UCHL3: variants seen among roughly 807,000 people sequenced by gnomAD.
UCHL3 encodes the protein ubiquitin carboxyl-terminal hydrolase isozyme L3.
In UCHL3, 22 loss-of-function variants were observed where a neutral mutation model predicts 35.8. The observed-to-expected ratio is 0.61, with a 90% CI of 0.44 to 0.88. The LOEUF (loss-of-function observed/expected upper bound fraction) is 0.88. Among genes scored for constraint, UCHL3 ranks in the 40% least tolerant of loss-of-function variants. UCHL3 has a pLI of 0.00. For synonymous variants in UCHL3, 90 were observed against 92.8 expected, an observed-to-expected ratio of 0.97 and a Z score of 0.17; for missense variants, 229 against 276.9, an observed-to-expected ratio of 0.83 and a Z score of 1.23.
intron 3 of UCHL3, among the ~76,000 whole-genome samples, chr13:75,561,851 A>G (rs1345375360): frequency 1.3e-5 from 2 of 149,610 alleles, no homozygotes; most frequent in Non-Finnish European, 3.0e-5. Flanking sequence ...ATACGTATAC[A>G]TACGTATACA....
intron 6 of UCHL3, among the ~76,000 whole-genome samples, chr13:75,576,601 G>A (rs539046856): frequency 4.7e-4 from 72 of 152,088 alleles, no homozygotes; most frequent in African/African-American, 1.6e-3. Flanking sequence ...TGATCCACCC[G>A]CCTCAGCCTC....
chr13:75,549,872 CT>C lies in UCHL3; in HGVS notation c.42+12del. On this transcript the variant is annotated intron_variant, in intron 1 of 8. Coordinates refer to ENST00000377595, the MANE Select transcript of UCHL3 (RefSeq NM_006002.5). ...GGAGGCCAATCCCGAGGTGGGCGCG[CT>C]TCGGGGCAGCCCTGGGCCGTGGGCA... is the stretch of plus-strand genomic sequence containing the variant. 1 of 1,611,052 alleles carries C rather than the reference CT, an allele frequency of 6.2e-7. No individual in the cohort carries two copies. Among genetic ancestry groups the C allele is most frequent in the Non-Finnish European group, 8.5e-7 (1 of 1,178,448 alleles).
chr13:75,563,125 CTTTATGTATGTATGTATGTA>C (rs772092825), intron 3 of UCHL3, among the ~76,000 whole-genome samples: 7 of 146,162 alleles, frequency 4.8e-5, no homozygotes, highest in Non-Finnish European at 1.0e-4. Context: ...CCTCATTATC[CTTTATGTATGTATGTATGTA>C]TGTATGTATG....
chr13:75,581,635 G>A (rs1240765604), intron 6 of UCHL3, among the ~76,000 whole-genome samples: 15 of 151,040 alleles, frequency 9.9e-5, no homozygotes, highest in Admixed American at 9.9e-4. Flanking sequence ...TGGGATTACA[G>A]GTGTGAGCCA....
At chr13:75,602,501 G>C (rs2032804310) in intron 7 of UCHL3, among the ~76,000 whole-genome samples, 1 of 152,206 alleles carries the variant, frequency 6.6e-6, no homozygotes, top group South Asian at 2.1e-4. Flanking sequence ...GCCTCTTTTA[G>C]AAGGGGCCTG....
chr13:75,593,611 C>T lies in UCHL3; in HGVS notation c.475-1304C>T, dbSNP rs185049438. Among the ~76,000 whole-genome samples the T allele has an allele frequency of 3.4e-3, 513 of 152,266 alleles. 2 individuals are homozygous for T. Among genetic ancestry groups the T allele is most frequent in the Non-Finnish European group, 6.1e-3 (416 of 68,010 alleles). ...GTGCAGTACTGGAGCAACAATAAAA[C>T]TAGATAACTCTGATTGCTAACACCT... is the stretch of plus-strand genomic sequence containing the variant. On this transcript the variant is annotated intron_variant, in intron 6 of 8. Coordinates refer to ENST00000377595, the MANE Select transcript of UCHL3 (RefSeq NM_006002.5).
intron 7 of UCHL3, among the ~76,000 whole-genome samples, chr13:75,596,254 A>ATAAAAATTTATAAAAAT (rs2032643183): frequency 6.6e-6 from 1 of 152,234 alleles, no homozygotes; most frequent in Non-Finnish European, 1.5e-5. Context: ...AAAAATGTGC[A>ATAAAAATTTATAAAAAT]ACCCTGAGCG....
intron 2 of UCHL3, among the ~76,000 whole-genome samples, chr13:75,556,217 G>T (rs2031288959): frequency 6.6e-6 from 1 of 152,202 alleles, no homozygotes; most frequent in African/African-American, 2.4e-5. Flanking sequence ...CTGCAGTGAA[G>T]TAAACTTCAT....
chr13:75,556,939 G>A (rs1460689776), intron 2 of UCHL3, among the ~76,000 whole-genome samples: 1 of 152,208 alleles, frequency 6.6e-6, no homozygotes, highest in Non-Finnish European at 1.5e-5. Context: ...GGATACACTG[G>A]GTTGAGTGCA....
intron 6 of UCHL3, among the ~76,000 whole-genome samples, chr13:75,577,271 GAA>G (rs1040954593): frequency 2.0e-4 from 30 of 151,744 alleles, no homozygotes; most frequent in African/African-American, 5.6e-4. Flanking sequence ...AAAATATTTG[GAA>G]AAAAAAGATG....
At chr13:75,592,468 G>GTATATATGTATATATATATATAT (rs1201744829) in intron 6 of UCHL3, among the ~76,000 whole-genome samples, 6 of 23,316 alleles carry the variant, frequency 2.6e-4, no homozygotes, top group Non-Finnish European at 2.4e-4. Context: ...ATATATATAT[G>GTATATATGTATATATATATATAT]AAGGAAAAAA....
chr13:75,565,960 C>T (rs753699858), intron 3 of UCHL3, among the ~76,000 whole-genome samples: 11 of 152,186 alleles, frequency 7.2e-5, no homozygotes, highest in Non-Finnish European at 1.3e-4. Flanking sequence ...TTATTATACC[C>T]TATTGCTTTT....
upstream of UCHL3, chr13:75,549,719 G>A: frequency 7.4e-7 from 1 of 1,349,282 alleles, no homozygotes; most frequent in Non-Finnish European, 9.7e-7. Flanking sequence ...TCCTCCTCCG[G>A]GCGGTGTGTT....
intron 6 of UCHL3, among the ~76,000 whole-genome samples, chr13:75,579,919 G>C (rs966058): frequency 0.58 from 87,497 of 151,980 alleles, 27,019 homozygotes; most frequent in Non-Finnish European, 0.69. Flanking sequence ...GAATTAGTTT[G>C]AGAAGTTTAA....
chr13:75,560,247 T>G (rs2031447823), intron 2 of UCHL3, among the ~76,000 whole-genome samples: 1 of 152,228 alleles, frequency 6.6e-6, no homozygotes, highest in Non-Finnish European at 1.5e-5. Context: ...TCTGATAAAA[T>G]ATTTATTTAC....
In UCHL3 at chr13:75,567,091, AAC is replaced by A. The variant is rs1372641162; in HGVS notation, c.341-134_341-133del. ...TAATAATGTAAGGCTTATCATTTATAACATGATCCTTACATTTCTAACCTACC... is the reference window on the plus strand; with the variant it reads ...TAATAATGTAAGGCTTATCATTTATAATGATCCTTACATTTCTAACCTACC... On this transcript the variant is annotated intron_variant, in intron 4 of 8. Coordinates refer to ENST00000377595, the MANE Select transcript of UCHL3 (RefSeq NM_006002.5). 4.5e-6 allele frequency: 4 copies of A among 897,846 alleles called. No homozygotes were observed. The African/African-American group carries it at 6.8e-5, about 15-fold the overall frequency. 55.6% of individuals were successfully genotyped at this position (897,846 alleles called of 1,614,324 possible).
At chr13:75,574,492 G>A (rs1040609877) in intron 6 of UCHL3, among the ~76,000 whole-genome samples, 7 of 152,098 alleles carry the variant, frequency 4.6e-5, no homozygotes, top group Non-Finnish European at 1.5e-5. Flanking sequence ...TAGTTTGAAG[G>A]TAAGAGCACA....
At chr13:75,570,162 A>G (rs894138066) in intron 6 of UCHL3, among the ~76,000 whole-genome samples, 4 of 152,194 alleles carry the variant, frequency 2.6e-5, no homozygotes, top group Non-Finnish European at 5.9e-5. Flanking sequence ...TGGTATGTTT[A>G]TATCACATTT....
intron 6 of UCHL3, among the ~76,000 whole-genome samples, chr13:75,579,589 C>T (rs531227672): frequency 1.3e-5 from 2 of 152,058 alleles, no homozygotes; most frequent in African/African-American, 4.8e-5. Flanking sequence ...TTCCTCCCCC[C>T]TTCTTTCTTC....
Sources: gnomAD v4.1 joint callset for allele counts (sites outside exome capture counted in the v4.1 genomes callset) on GRCh38, gnomAD v4.1.1 for gene constraint, MANE v1.5 for transcripts, NCBI Gene and HGNC (gene_info 2026-07-23, HGNC 2026-07-21) for gene names.